ABR: variants seen among roughly 807,000 people sequenced by gnomAD.
ABR encodes ABR activator of RhoGEF and GTPase, also known as active breakpoint cluster region-related protein.
In ABR, 35 loss-of-function variants were observed where a neutral mutation model predicts 107.2. That is an observed-to-expected ratio of 0.33 (90% CI 0.25 to 0.43). ABR has a LOEUF of 0.43. Ranked by LOEUF, ABR falls within the 20% of genes least tolerant of loss-of-function variation. ABR has a pLI of 1.00. For synonymous variants in ABR, 498 were observed against 462.0 expected, an observed-to-expected ratio of 1.08 and a Z score of -1.00; for missense variants, 815 against 1,115.2, an observed-to-expected ratio of 0.73 and a Z score of 3.83.
chr17:1,059,158 C>A (rs1326324675), intron 10 of ABR, among the ~76,000 whole-genome samples: 1 of 152,088 alleles, frequency 6.6e-6, no homozygotes, highest in East Asian at 1.9e-4. Context: ...GACGCTCACT[C>A]GCCAAGCCAG....
upstream of ABR, among the ~76,000 whole-genome samples, chr17:1,183,312 C>T (rs1335969314): frequency 6.6e-6 from 1 of 152,122 alleles, no homozygotes; most frequent in East Asian, 1.9e-4. Flanking sequence ...CCTCCCAGCC[C>T]TCCCTCCAGC....
intron 2 of ABR, among the ~76,000 whole-genome samples, chr17:1,120,155 T>C (rs1031967571): frequency 7.9e-5 from 12 of 152,108 alleles, no homozygotes; most frequent in Non-Finnish European, 1.6e-4. Flanking sequence ...TTGTTGGGGC[T>C]CTTAAATGAA....
At chr17:1,081,467 G>A (rs2036233191) in intron 5 of ABR, among the ~76,000 whole-genome samples, 2 of 152,222 alleles carry the variant, frequency 1.3e-5, no homozygotes, top group Non-Finnish European at 2.9e-5. Context: ...ATGGGTCTGG[G>A]AGAAGAAACT....
At chr17:1,042,016 T>C (rs1052971025) in intron 16 of ABR, among the ~76,000 whole-genome samples, 7 of 152,196 alleles carry the variant, frequency 4.6e-5, no homozygotes, top group Admixed American at 3.3e-4. Context: ...TCACGGGTCC[T>C]GCTCATCTAT....
At chr17:1,032,104 C>A (rs2072854706) in intron 16 of ABR, among the ~76,000 whole-genome samples, 1 of 152,064 alleles carries the variant, frequency 6.6e-6, no homozygotes, top group African/African-American at 2.4e-5. Flanking sequence ...ACACCCCAGT[C>A]CCTCCCTGCT....
chr17:1,167,685 C>T lies in ABR; in HGVS notation c.61+11982G>A, dbSNP rs555997009. 2.5e-4 allele frequency among the ~76,000 whole-genome samples: 38 copies of T among 152,350 alleles called. 1 individual carries two copies. The South Asian group carries it at 6.2e-3, about 25-fold the overall frequency. ...GAAACAGGATAAAAATGGCTAAGAA[C>T]TCAGCAGGTTGCCGGAGGCTAAATG... On this transcript the variant is annotated intron_variant, in intron 1 of 22. Transcript: ENST00000302538.
chr17:1,223,225 T>G (rs533734541), intron 1 of ABR, among the ~76,000 whole-genome samples: 4 of 146,508 alleles, frequency 2.7e-5, no homozygotes, highest in African/African-American at 7.6e-5. Flanking sequence ...AATATAAAAA[T>G]TAGCCGGGCT....
chr17:1,041,461 G>A (rs965438218), intron 16 of ABR, among the ~76,000 whole-genome samples: 2 of 152,166 alleles, frequency 1.3e-5, no homozygotes, highest in Admixed American at 6.5e-5. Context: ...TTGGCCGGGT[G>A]CGGTGGCTCA....
chr17:1,060,895 G>A (rs927743200), intron 10 of ABR, among the ~76,000 whole-genome samples: 6 of 152,106 alleles, frequency 3.9e-5, no homozygotes, highest in African/African-American at 1.4e-4. Flanking sequence ...AGGAGGCTGA[G>A]GTAGAAGAAT....
chr17:1,177,068 G>A (rs1206575198), intron 1 of ABR, among the ~76,000 whole-genome samples: 1 of 152,032 alleles, frequency 6.6e-6, no homozygotes, highest in Non-Finnish European at 1.5e-5. Context: ...CCCCTTTACA[G>A]TTCCCGATGG....
At chr17:1,145,568 C>T (rs947600667) in intron 1 of ABR, among the ~76,000 whole-genome samples, 6 of 152,214 alleles carry the variant, frequency 3.9e-5, no homozygotes, top group Non-Finnish European at 7.3e-5. Context: ...ATGGCCTCCT[C>T]GGAGCCCCCC....
At chr17:1,019,253 T>C (rs112289859) in intron 16 of ABR, among the ~76,000 whole-genome samples, 16 of 152,334 alleles carry the variant, frequency 1.1e-4, no homozygotes, top group African/African-American at 3.4e-4. Flanking sequence ...GAGAGCCTTC[T>C]CGGAGAGCCC....
Position 1,176,850 on chromosome 17 carries a change from CAAAACAA to C in ABR, c.61+2810_61+2816del, listed in dbSNP as rs538908667. 6.7e-4 allele frequency among the ~76,000 whole-genome samples: 89 copies of C among 133,432 alleles called. 1 individual carries two copies. Among genetic ancestry groups the C allele is most frequent in the Non-Finnish European group, 9.7e-4 (60 of 61,856 alleles). The allele number at this position is 133,432 out of a possible 152,430, so 87.5% of individuals were successfully genotyped here. A position where few individuals can be genotyped will look rare whatever the true frequency, so the allele number is the denominator to read the frequency against. On this transcript the variant is annotated intron_variant, in intron 1 of 22. Coordinates refer to ENST00000302538, the MANE Select transcript of ABR (RefSeq NM_021962.5). ...CAAAGACGGAGACCCCGTCTCAAAA[CAAAACAA>C]AAAACAAAAAACAAAAAAAAAAAAG... is the stretch of plus-strand genomic sequence containing the variant.
rs12603089 is a variant in ABR, at chr17:1,061,434, G to C, written c.1183-2567C>G. ...ATCCCCCAGCCCTGAACACTCCTGG[G>C]GCTGTAATGGTGATCTTGCTTTCCC... is the stretch of plus-strand genomic sequence containing the variant. On this transcript the variant is annotated intron_variant, in intron 10 of 22. Transcript: ENST00000302538. Among the ~76,000 whole-genome samples, 102 of 152,336 alleles carry C rather than the reference G, an allele frequency of 6.7e-4. 1 individual carries two copies. The East Asian group carries it at 0.017, about 25-fold the overall frequency.
chr17:1,222,152 C>A (rs922483768), intron 1 of ABR, among the ~76,000 whole-genome samples: 8 of 151,314 alleles, frequency 5.3e-5, no homozygotes, highest in Admixed American at 6.6e-5. Flanking sequence ...GCAACCTCTG[C>A]CTCCCGGGTT....
chr17:1,075,352 A>G (rs1298602113), intron 6 of ABR, among the ~76,000 whole-genome samples: 1 of 152,276 alleles, frequency 6.6e-6, no homozygotes, highest in East Asian at 1.9e-4. Flanking sequence ...TGGGTGTCCC[A>G]TAAGACCAGG....
chr17:1,195,842 C>T (rs1294729740), intron 1 of ABR, among the ~76,000 whole-genome samples: 1 of 149,504 alleles, frequency 6.7e-6, no homozygotes, highest in Non-Finnish European at 1.5e-5. Flanking sequence ...TGGCTCACGC[C>T]TGTAATCCCA....
At chr17:1,074,605 A>G (rs2035551203) in intron 6 of ABR, among the ~76,000 whole-genome samples, 1 of 152,248 alleles carries the variant, frequency 6.6e-6, no homozygotes, top group Non-Finnish European at 1.5e-5. Flanking sequence ...ACTGTGATCC[A>G]CAGGACTGGC....
intron 16 of ABR, among the ~76,000 whole-genome samples, chr17:1,045,050 C>T (rs2259992): frequency 0.34 from 52,213 of 152,044 alleles, 9,729 homozygotes; most frequent in East Asian, 0.65. Context: ...ACAAAACAGG[C>T]CCTGATTAAA....
Sources: gnomAD v4.1 joint callset for allele counts (sites outside exome capture counted in the v4.1 genomes callset) on GRCh38, gnomAD v4.1.1 for gene constraint, MANE v1.5 for transcripts, NCBI Gene and HGNC (gene_info 2026-07-23, HGNC 2026-07-21) for gene names.